The following PIEZO1 variants were observed in gnomAD, a reference collection of about 807,000 sequenced individuals.
The protein encoded by PIEZO1 is piezo type mechanosensitive ion channel component 1 (Er blood group).
In PIEZO1, 296 loss-of-function variants were observed where a neutral mutation model predicts 297.2. That is an observed-to-expected ratio of 1.00 (90% CI 0.91 to 1.10). PIEZO1 has a LOEUF of 1.10. Ranked by LOEUF, PIEZO1 falls within the 50% of genes least tolerant of loss-of-function variation. PIEZO1 has a pLI of 0.00. For synonymous variants in PIEZO1, 2,427 were observed against 1,507.5 expected (o/e 1.61, Z -14.13); for missense variants, 5,018 against 3,455.5 (o/e 1.45, Z -11.34).
rs1475733455 is a variant in PIEZO1 at position 88,722,074 on chromosome 16, G to T, written c.4956-8C>A. ...TCTGGGATGCGCAGGCGCCTACAGG[G>T]AGACCCGCGTGTTTGGGGGAGTCTG... is the stretch of plus-strand genomic sequence containing the variant. On this transcript the variant is annotated splice_region_variant and splice_polypyrimidine_tract_variant and intron_variant, in intron 36 of 50. Coordinates refer to ENST00000301015, the MANE Select transcript of PIEZO1 (RefSeq NM_001142864.4). 1.3e-6 allele frequency: 2 copies of T among 1,541,880 alleles called. No individual in the cohort carries two copies. The highest frequency in any genetic ancestry group is 3.9e-5 in the Admixed American group (2 of 50,810).
chr16:88,737,402 C>CGCCGTATCATTAAAAAAG, intron 10 of PIEZO1, 157 bp downstream of exon 10: 1 of 589,476 alleles, frequency 1.7e-6, no homozygotes, highest in Non-Finnish European at 3.0e-6. Flanking sequence ...TCTCGGGGGT[C>CGCCGTATCATTAAAAAAG]ACTGACACCG....
intron 1 of PIEZO1, among the ~76,000 whole-genome samples, chr16:88,766,826 G>A (rs537306692): frequency 6.6e-6 from 1 of 152,244 alleles, no homozygotes; most frequent in Non-Finnish European, 1.5e-5. Flanking sequence ...GAGCCACAGG[G>A]ACGATCACCT....
At chr16:88,749,700 C>A (rs944813306) in intron 1 of PIEZO1, among the ~76,000 whole-genome samples, 5 of 152,226 alleles carry the variant, frequency 3.3e-5, no homozygotes, top group Non-Finnish European at 5.9e-5. Flanking sequence ...GGGGTTTTGA[C>A]CCATCTTTCT....
At position 88,716,153 on chromosome 16, in the gene PIEZO1, G is replaced by C. The variant is rs1912009815; in HGVS notation, c.7130-34C>G. 4 of 1,526,520 alleles carry C rather than the reference G, an allele frequency of 2.6e-6. No homozygotes were observed. The Admixed American group carries it at 8.0e-5, about 31-fold the overall frequency. 94.6% of individuals were successfully genotyped at this position (1,526,520 alleles called of 1,614,324 possible). A position where few individuals can be genotyped will look rare whatever the true frequency, so the allele number is the denominator to read the frequency against. ...GAGGGAGAAGATCGTTGAGGCCGCA[G>C]GTCACCCCTCTCTAGCCTCCCCCAA... is the stretch of plus-strand genomic sequence containing the variant. On this transcript the variant is annotated intron_variant, in intron 49 of 50. Coordinates refer to ENST00000301015, the MANE Select transcript of PIEZO1 (RefSeq NM_001142864.4).
chr16:88,740,287 C>G (rs1326847515), intron 5 of PIEZO1: 3 of 152,308 alleles, frequency 2.0e-5, no homozygotes, highest in Admixed American at 6.5e-5. Flanking sequence ...CCCCAGCTCA[C>G]TCTGAAGTCT....
chr16:88,765,501 A>T (rs998699454), intron 1 of PIEZO1, among the ~76,000 whole-genome samples: 1 of 152,066 alleles, frequency 6.6e-6, no homozygotes. Context: ...TGGGGACAGA[A>T]TTGGGCACCT....
At position 88,726,595 on chromosome 16, in the gene PIEZO1, C is replaced by T. The variant is rs1182073472; in HGVS notation, c.3748G>A (p.Val1250Ile). The change falls in exon 26 of 51, where the codon GTC becomes ATC. Residue 1250 changes from valine (V) to isoleucine (I), a missense_variant. Transcript: ENST00000301015. ...CATACAAGGCTGAAGAGCTGGATGA[C>T]CCAGCAGAAGCCGGTCTGCATCTGC... The part of the protein sequence containing the change: ...VEQMQTGFCW[V>I]IQLFSLVCTV... The T allele has an allele frequency of 1.9e-6, 3 of 1,550,042 alleles. No homozygotes were observed. In the African/African-American group the frequency reaches 4.1e-5, roughly 21 times the overall value.
chr16:88,722,199 G>A lies in PIEZO1; in HGVS notation c.4955+19C>T. The A allele has an allele frequency of 6.5e-7, 1 of 1,541,116 alleles. No homozygotes were observed. The highest frequency in any genetic ancestry group is 1.4e-5 in the African/African-American group (1 of 73,114). ...CGAGGGCCATGGTGAGGCTGGTGTT[G>A]TGCGCGTCCCGCCCCCACCTGTCCA... is the stretch of plus-strand genomic sequence containing the variant. On this transcript the variant is annotated intron_variant, in intron 36 of 50. Coordinates refer to ENST00000301015, the MANE Select transcript of PIEZO1 (RefSeq NM_001142864.4).
intron 1 of PIEZO1, among the ~76,000 whole-genome samples, chr16:88,754,996 C>G (rs551502779): frequency 1.3e-5 from 2 of 152,376 alleles, no homozygotes; most frequent in African/African-American, 4.8e-5. Flanking sequence ...CTGTTGCGCC[C>G]CAGGGAGAGG....
At chr16:88,732,841 CAG>C (rs749784660) in intron 19 of PIEZO1, 109 bp from the exon 20 acceptor site, 79 of 1,147,650 alleles carry the variant, frequency 6.9e-5, no homozygotes, top group Admixed American at 1.7e-4. Flanking sequence ...GCTCCCCAGC[CAG>C]GGACACGGGG....
intron 2 of PIEZO1, among the ~76,000 whole-genome samples, chr16:88,747,722 G>A (rs1179908548): frequency 6.6e-6 from 1 of 152,250 alleles, no homozygotes; most frequent in East Asian, 1.9e-4. Flanking sequence ...AGTCCAGGCA[G>A]CAGAGGAAAT....
At chr16:88,759,778 G>A (rs771619792) in intron 1 of PIEZO1, among the ~76,000 whole-genome samples, 3 of 152,194 alleles carry the variant, frequency 2.0e-5, no homozygotes, top group South Asian at 2.1e-4. Flanking sequence ...GCCCCCAGAC[G>A]CCCCGTGCAG....
In PIEZO1 at chr16:88,734,347, G is replaced by C. The variant is rs1232287578; in HGVS notation, c.2180+9C>G. On this transcript the variant is annotated intron_variant, in intron 16 of 50. Coordinates refer to ENST00000301015, the MANE Select transcript of PIEZO1 (RefSeq NM_001142864.4). ...TCTCCAGGGCCGGACAGGGAGGGCGGGGCCGCACCTGTGAGCCCAGCGCGG... is the reference window on the plus strand; with the variant it reads ...TCTCCAGGGCCGGACAGGGAGGGCGCGGCCGCACCTGTGAGCCCAGCGCGG... 2 of 1,512,318 alleles carry C rather than the reference G, an allele frequency of 1.3e-6. No homozygotes were observed. Among genetic ancestry groups the C allele is most frequent in the South Asian group, 1.3e-5 (1 of 78,144 alleles). The allele number at this position is 1,512,318 out of a possible 1,614,324, so 93.7% of individuals were successfully genotyped here.
rs563170193 is a variant in PIEZO1 at position 88,784,679 on chromosome 16, A to AGCC, written c.64+219_64+221dup. 2.7e-3 allele frequency among the ~76,000 whole-genome samples: 404 copies of AGCC among 150,960 alleles called. 2 individuals are homozygous for AGCC. The highest frequency in any genetic ancestry group is 9.4e-3 in the African/African-American group (388 of 41,190). Reference sequence around the variant, plus strand: ...GTGGGCACGCGGTGCCGTCTCCCCCAGCCGCCGCCGCCCTTCCAGCCCGGC... The same window carrying AGCC: ...GTGGGCACGCGGTGCCGTCTCCCCCAGCCGCCGCCGCCGCCCTTCCAGCCCGGC... On this transcript the variant is annotated intron_variant, in intron 1 of 50. Transcript: ENST00000301015.
chr16:88,764,249 G>T lies in PIEZO1; in HGVS notation c.65-14770C>A, dbSNP rs80170930. On this transcript the variant is annotated intron_variant, in intron 1 of 50. Transcript: ENST00000301015. ...CGGCCACAGGAGATGGGGTCCTCTT[G>T]AAGCCCCAGCAGCAAGCACGTGGCA... Among the ~76,000 whole-genome samples the T allele has an allele frequency of 4.2e-3, 637 of 152,282 alleles. 23 individuals are homozygous for T. In the East Asian group the frequency reaches 0.09, roughly 22 times the overall value.
intron 2 of PIEZO1, 49 bp from the exon 3 acceptor site, chr16:88,742,471 C>G (rs1194649440): frequency 6.6e-7 from 1 of 1,523,772 alleles, no homozygotes; most frequent in African/African-American, 1.4e-5. Flanking sequence ...GGGGAGGGGC[C>G]GCAGCCCAGG....
intron 35 of PIEZO1, 67 bp downstream of exon 35, chr16:88,722,516 G>A (rs1004611821): frequency 6.4e-5 from 92 of 1,431,320 alleles, no homozygotes; most frequent in Middle Eastern, 1.8e-4. Flanking sequence ...GGCGAGGGTC[G>A]GGGATGGCTA....
chr16:88,733,781 G>A (rs753295476), intron 17 of PIEZO1, 36 bp from the exon 18 acceptor site: 17 of 1,488,960 alleles, frequency 1.1e-5, no homozygotes, highest in Admixed American at 6.8e-5. Flanking sequence ...GGGCACAAAC[G>A]GGGATTCCCG....
intron 43 of PIEZO1, 34 bp downstream of exon 43, chr16:88,719,768 G>A (rs113435396): frequency 3.9e-6 from 6 of 1,550,322 alleles, no homozygotes; most frequent in Middle Eastern, 3.3e-4. Context: ...TCATGCCCGG[G>A]CCGTGACCCC....
Sources: gnomAD v4.1 joint callset for allele counts (sites outside exome capture counted in the v4.1 genomes callset) on GRCh38, gnomAD v4.1.1 for gene constraint, MANE v1.5 for transcripts, NCBI Gene and HGNC (gene_info 2026-07-23, HGNC 2026-07-21) for gene names.